The following NREP variants were observed in gnomAD, a reference collection of about 807,000 sequenced individuals.
NREP encodes the protein neuronal regeneration-related protein.
Under a neutral mutation model 8.6 loss-of-function variants are expected in NREP, and 5 were observed. The observed-to-expected ratio is 0.58, with a 90% CI of 0.30 to 1.22. The LOEUF (loss-of-function observed/expected upper bound fraction) is 1.22. Among genes scored for constraint, NREP ranks in the 50% most tolerant of loss-of-function variants. The pLI is 0.07. For missense variants in NREP, 86 were observed against 82.5 expected (o/e 1.04, Z -0.17); for synonymous variants, 27 against 28.0 (o/e 0.96, Z 0.11).
intron 2 of NREP, among the ~76,000 whole-genome samples, chr5:111,780,723 T>C (rs762299013): frequency 1.1e-4 from 17 of 152,156 alleles, no homozygotes; most frequent in Non-Finnish European, 2.1e-4. Context: ...CAGGAGCTAA[T>C]AGTCATAGGT....
At chr5:111,791,421 AT>A (rs748979253) in intron 2 of NREP, among the ~76,000 whole-genome samples, 1 of 151,750 alleles carries the variant, frequency 6.6e-6, no homozygotes, top group East Asian at 1.9e-4. Context: ...TGTAAGTCTG[AT>A]TTTTTTTTAG....
At chr5:111,772,305 T>C (rs1444355044) in intron 2 of NREP, among the ~76,000 whole-genome samples, 1 of 152,174 alleles carries the variant, frequency 6.6e-6, no homozygotes, top group East Asian at 1.9e-4. Context: ...GGTGAGAGAA[T>C]AGAAGGTTTT....
In NREP at chr5:111,730,068, G is replaced by A. The variant is rs767916038; in HGVS notation, c.*853C>T. The A allele has an allele frequency of 6.6e-6, 1 of 152,448 alleles. No individual in the cohort carries two copies. Among genetic ancestry groups the A allele is most frequent in the African/African-American group, 2.4e-5 (1 of 41,366 alleles). The allele number at this position is 152,448 out of a possible 1,614,324, so 9.4% of individuals were successfully genotyped here. ...CTCTAAGTCAGGCAGGCGAGGCTAC[G>A]GAAAGGAAGAGATTTGGTAAGTAAA... On this transcript the variant is annotated 3_prime_UTR_variant, in exon 4 of 4. Transcript: ENST00000257435.
At chr5:111,966,812 T>C (rs757879994) in intron 2 of NREP, among the ~76,000 whole-genome samples, 2 of 152,236 alleles carry the variant, frequency 1.3e-5, no homozygotes, top group African/African-American at 4.8e-5. Flanking sequence ...TTCTCCATTT[T>C]TCCAATCTGT....
At chr5:111,963,260 C>A (rs1049415308) in intron 2 of NREP, among the ~76,000 whole-genome samples, 1 of 152,230 alleles carries the variant, frequency 6.6e-6, no homozygotes, top group African/African-American at 2.4e-5. Flanking sequence ...CGCTTGCTCA[C>A]GTACTCCCTC....
At chr5:111,814,131 A>C (rs1360923546) in intron 2 of NREP, among the ~76,000 whole-genome samples, 1 of 152,106 alleles carries the variant, frequency 6.6e-6, no homozygotes, top group East Asian at 1.9e-4. Context: ...GATTCTGCTG[A>C]AGGCAGGTAG....
At chr5:111,841,141 A>C (rs1342079145) in intron 2 of NREP, among the ~76,000 whole-genome samples, 2 of 152,154 alleles carry the variant, frequency 1.3e-5, no homozygotes, top group Middle Eastern at 3.2e-3. Context: ...ACAAGGGTGC[A>C]TTATCAAGTA....
chr5:111,760,552 G>T (rs574418035), upstream of NREP, among the ~76,000 whole-genome samples: 1 of 152,328 alleles, frequency 6.6e-6, no homozygotes, highest in Non-Finnish European at 1.5e-5. Context: ...TCTTGCACAG[G>T]TTTCACTGTG....
At chr5:111,884,293 A>C (rs1161438815) in intron 2 of NREP, among the ~76,000 whole-genome samples, 1 of 151,776 alleles carries the variant, frequency 6.6e-6, no homozygotes, top group Non-Finnish European at 1.5e-5. Flanking sequence ...GAATCTCTGA[A>C]TAGACCAATA....
At chr5:111,866,005 C>A (rs757354209) in intron 2 of NREP, among the ~76,000 whole-genome samples, 14 of 152,176 alleles carry the variant, frequency 9.2e-5, no homozygotes, top group Admixed American at 2.0e-4. Context: ...ACTTTAGATG[C>A]ATTCCATTGC....
At position 111,971,851 on chromosome 5, in the gene NREP, G is replaced by A. The variant is rs115943673; in HGVS notation, c.135+3423C>T. 5.3e-3 allele frequency among the ~76,000 whole-genome samples: 798 copies of A among 151,794 alleles called. 8 individuals are homozygous for A. The highest frequency in any genetic ancestry group is 0.018 in the African/African-American group (746 of 41,380). ...ACTGGACAATGATTTTTTTTAATGT[G>A]ACCCTGAAAGCGTGGGCAGCCAAAG... On this transcript the variant is annotated intron_variant, in intron 2 of 3. Transcript: ENST00000395634.
intron 2 of NREP, among the ~76,000 whole-genome samples, chr5:111,747,181 A>G (rs1041234172): frequency 5.3e-5 from 8 of 152,326 alleles, no homozygotes; most frequent in African/African-American, 9.6e-5. Flanking sequence ...ACCTTAGTCA[A>G]TAAGTTTTAT....
intron 2 of NREP, among the ~76,000 whole-genome samples, chr5:111,830,237 G>C (rs1245526318): frequency 6.6e-6 from 1 of 152,002 alleles, no homozygotes; most frequent in Non-Finnish European, 1.5e-5. Flanking sequence ...CTTCTAATGT[G>C]GCCCCCTAAA....
chr5:111,730,887 T>C lies in NREP; in HGVS notation c.*34A>G, dbSNP rs1232044518. On this transcript the variant is annotated 3_prime_UTR_variant, in exon 4 of 4. Coordinates refer to ENST00000257435, the MANE Select transcript of NREP (RefSeq NM_004772.4). ...GATACCATGACCTCATCAATACCCATACACCATATGTAATACAAATGGAGG... is the reference window on the plus strand; with the variant it reads ...GATACCATGACCTCATCAATACCCACACACCATATGTAATACAAATGGAGG... The C allele has an allele frequency of 3.7e-6, 6 of 1,612,120 alleles. No individual in the cohort carries two copies. The highest frequency in any genetic ancestry group is 3.3e-5 in the South Asian group (3 of 91,014).
At chr5:111,967,188 G>A (rs1756666445) in intron 2 of NREP, among the ~76,000 whole-genome samples, 4 of 152,256 alleles carry the variant, frequency 2.6e-5, no homozygotes, top group Middle Eastern at 3.4e-3. Context: ...GAGAAACCCT[G>A]ACCTAGTGGA....
intron 2 of NREP, among the ~76,000 whole-genome samples, chr5:111,832,633 T>C (rs982915818): frequency 6.6e-6 from 1 of 152,194 alleles, no homozygotes; most frequent in Non-Finnish European, 1.5e-5. Flanking sequence ...AAATAACTTC[T>C]GTGTCTGTCA....
At chr5:111,891,366 C>T (rs1304240536) in intron 2 of NREP, among the ~76,000 whole-genome samples, 1 of 152,212 alleles carries the variant, frequency 6.6e-6, no homozygotes, top group Non-Finnish European at 1.5e-5. Flanking sequence ...GCATTTTAGT[C>T]ACAATCATTT....
intron 2 of NREP, among the ~76,000 whole-genome samples, chr5:111,790,843 C>A (rs1331821977): frequency 6.6e-6 from 1 of 152,038 alleles, no homozygotes; most frequent in Non-Finnish European, 1.5e-5. Context: ...CACTTATGCG[C>A]CTATTTTTGT....
chr5:111,880,915 T>G (rs913778427), intron 2 of NREP, among the ~76,000 whole-genome samples: 4 of 152,058 alleles, frequency 2.6e-5, no homozygotes, highest in African/African-American at 9.7e-5. Flanking sequence ...GACGGGTGAT[T>G]TCTGCATTTC....
Sources: allele counts gnomAD v4.1 joint callset (sites outside exome capture counted in the v4.1 genomes callset), GRCh38; gene constraint gnomAD v4.1.1; transcripts MANE v1.5; gene names NCBI Gene and HGNC (gene_info 2026-07-23, HGNC 2026-07-21).